The following KAZN variants were observed in gnomAD, a reference collection of about 807,000 sequenced individuals.
KAZN encodes kazrin.
KAZN carries 40 observed loss-of-function variants against 87.4 expected under a neutral mutation model. That is an observed-to-expected ratio of 0.46 (90% CI 0.36 to 0.60). KAZN has a LOEUF of 0.60. Ranked by LOEUF, KAZN falls within the 20% of genes least tolerant of loss-of-function variation. KAZN has a pLI of 0.00. For synonymous variants in KAZN, 466 were observed against 458.3 expected, an observed-to-expected ratio of 1.02 and a Z score of -0.22; for missense variants, 898 against 1,073.9, an observed-to-expected ratio of 0.84 and a Z score of 2.29.
chr1:14,150,500 G>A (rs966623654), intron 1 of KAZN, among the ~76,000 whole-genome samples: 1 of 152,156 alleles, frequency 6.6e-6, no homozygotes, highest in African/African-American at 2.4e-5. Flanking sequence ...ATCGAAATCT[G>A]TACTTTCAAA....
chr1:13,900,036 G>A (rs1046555531), intron 1 of KAZN, among the ~76,000 whole-genome samples: 12 of 151,948 alleles, frequency 7.9e-5, no homozygotes, highest in African/African-American at 1.5e-4. Flanking sequence ...TTTATGGGGC[G>A]GCTGTCATCC....
rs924586058 is a variant in KAZN at position 15,042,742 on chromosome 1, C to G, written c.556-1247C>G. Among the ~76,000 whole-genome samples, 6 of 152,182 alleles carry G rather than the reference C, an allele frequency of 3.9e-5. No individual in the cohort carries two copies. The South Asian group carries it at 8.3e-4, about 21-fold the overall frequency. On this transcript the variant is annotated intron_variant, in intron 3 of 14. Coordinates refer to ENST00000376030, the MANE Select transcript of KAZN (RefSeq NM_201628.3). ...AGCCACAGAGAAAAGGCCACGTTCT[C>G]CCTCAGCCTCCCTGTCTCTCACCAT... is the stretch of plus-strand genomic sequence containing the variant.
At chr1:14,022,534 TAAAAATAACAAAC>T (rs1640891857) in intron 1 of KAZN, among the ~76,000 whole-genome samples, 1 of 112,190 alleles carries the variant, frequency 8.9e-6, no homozygotes, top group African/African-American at 3.3e-5. Flanking sequence ...AAAAAAGAAA[TAAAAATAACAAAC>T]AAAAACTGTG....
intron 1 of KAZN, among the ~76,000 whole-genome samples, chr1:14,859,078 G>A (rs942536894): frequency 2.0e-5 from 3 of 152,046 alleles, no homozygotes; most frequent in Non-Finnish European, 4.4e-5. Context: ...GTGGTGGCGG[G>A]CGCCTGTAGT....
intron 1 of KAZN, among the ~76,000 whole-genome samples, chr1:14,067,398 A>G (rs562463038): frequency 1.8e-4 from 27 of 152,308 alleles, no homozygotes; most frequent in African/African-American, 6.3e-4. Context: ...TAAAGCTTTG[A>G]AGTTATTTCA....
intron 2 of KAZN, among the ~76,000 whole-genome samples, chr1:14,239,853 G>A (rs1648785106): frequency 6.6e-6 from 1 of 152,104 alleles, no homozygotes. Context: ...AACAATGGGT[G>A]GGAAGAGATG....
At chr1:14,767,083 G>A (rs902636587) in intron 1 of KAZN, among the ~76,000 whole-genome samples, 3 of 152,166 alleles carry the variant, frequency 2.0e-5, no homozygotes, top group Non-Finnish European at 4.4e-5. Flanking sequence ...GATCAGCAGC[G>A]AATGGGTACG....
At chr1:14,889,372 T>A (rs1654459077) in intron 1 of KAZN, among the ~76,000 whole-genome samples, 2 of 152,190 alleles carry the variant, frequency 1.3e-5, no homozygotes, top group African/African-American at 2.4e-5. Context: ...AGTCACCTAA[T>A]GGAAAGTATA....
intron 2 of KAZN, among the ~76,000 whole-genome samples, chr1:14,489,742 T>TAAC (rs1669548164): frequency 9.4e-6 from 1 of 106,906 alleles, no homozygotes; most frequent in Admixed American, 1.2e-4. Flanking sequence ...TTAAAAATAA[T>TAAC]AATAATAATA....
intron 12 of KAZN, among the ~76,000 whole-genome samples, chr1:15,103,720 C>T (rs1641182277): frequency 6.6e-6 from 1 of 152,178 alleles, no homozygotes; most frequent in African/African-American, 2.4e-5. Flanking sequence ...TGTCATGATG[C>T]TTTGCTCACA....
chr1:14,351,206 C>G (rs1557656450), intron 2 of KAZN, among the ~76,000 whole-genome samples: 1 of 152,156 alleles, frequency 6.6e-6, no homozygotes, highest in Non-Finnish European at 1.5e-5. Flanking sequence ...CGCCAGCAGC[C>G]AGAAGGCACT....
intron 2 of KAZN, among the ~76,000 whole-genome samples, chr1:14,229,146 A>G (rs1280024025): frequency 1.3e-5 from 2 of 152,248 alleles, no homozygotes; most frequent in Admixed American, 1.3e-4. Flanking sequence ...GGAAAATAAA[A>G]TTGCACCACG....
rs569553811 is a variant in KAZN at position 14,972,973 on chromosome 1, C to T, written c.418+12098C>T. ...AAACGTATCGAGCACCTCCGAGAGC[C>T]GGCCCTATCCTGAGCATGCCATATG... On this transcript the variant is annotated intron_variant, in intron 2 of 14. Transcript: ENST00000376030. 9.2e-5 allele frequency among the ~76,000 whole-genome samples: 14 copies of T among 152,116 alleles called. 1 individual carries two copies. In the South Asian group the frequency reaches 2.1e-3, roughly 23 times the overall value.
chr1:14,788,156 C>A (rs933475299), intron 1 of KAZN, among the ~76,000 whole-genome samples: 9 of 152,154 alleles, frequency 5.9e-5, no homozygotes, highest in Non-Finnish European at 5.9e-5. Context: ...GTGCACCTGC[C>A]TGGGTTGCAT....
At chr1:14,593,550 G>A (rs190286052) in intron 2 of KAZN, among the ~76,000 whole-genome samples, 10 of 152,290 alleles carry the variant, frequency 6.6e-5, no homozygotes, top group Admixed American at 5.9e-4. Flanking sequence ...GAATAAGCAG[G>A]ATTGTTTTGG....
chr1:14,140,942 C>T (rs1645222114), intron 1 of KAZN, among the ~76,000 whole-genome samples: 1 of 152,086 alleles, frequency 6.6e-6, no homozygotes, highest in South Asian at 2.1e-4. Flanking sequence ...CTGCATCTCG[C>T]CTGCCAAGAA....
intron 2 of KAZN, among the ~76,000 whole-genome samples, chr1:14,236,734 A>G (rs1648461606): frequency 6.6e-6 from 1 of 152,112 alleles, no homozygotes; most frequent in Non-Finnish European, 1.5e-5. Flanking sequence ...CCTGGGCAAC[A>G]TGGAAAAACC....
chr1:14,953,207 A>G (rs1662703810), intron 1 of KAZN, among the ~76,000 whole-genome samples: 1 of 152,206 alleles, frequency 6.6e-6, no homozygotes, highest in African/African-American at 2.4e-5. Context: ...GAGTGTCCCC[A>G]GTGGAGGGCC....
intron 2 of KAZN, among the ~76,000 whole-genome samples, chr1:14,243,214 T>C (rs1281075617): frequency 6.6e-6 from 1 of 152,188 alleles, no homozygotes; most frequent in Non-Finnish European, 1.5e-5. Flanking sequence ...AAACCCAGCA[T>C]CTTTCTCTTT....
Sources: allele counts gnomAD v4.1 joint callset (sites outside exome capture counted in the v4.1 genomes callset), GRCh38; gene constraint gnomAD v4.1.1; transcripts MANE v1.5; gene names NCBI Gene and HGNC (gene_info 2026-07-23, HGNC 2026-07-21).